Variants in RNF145 observed in about 807,000 individuals in gnomAD.
The protein encoded by RNF145 is ring finger protein 145.
Under a neutral mutation model 57.3 loss-of-function variants are expected in RNF145, and 12 were observed. The observed-to-expected ratio is 0.21, with a 90% CI of 0.13 to 0.34. The LOEUF (loss-of-function observed/expected upper bound fraction) is 0.34. RNF145 is among the 10% of genes least tolerant of loss of function. RNF145 has a pLI of 1.00. For missense variants in RNF145, 429 were observed against 799.0 expected, an observed-to-expected ratio of 0.54 and a Z score of 5.58; for synonymous variants, 262 against 288.3, an observed-to-expected ratio of 0.91 and a Z score of 0.92.
At chr5:159,209,668 G>T, upstream of RNF145, 1 of 952,472 alleles carries the variant, frequency 1.0e-6, no homozygotes, top group Non-Finnish European at 1.4e-6. Context: ...AGTGCTTTCC[G>T]CACCGCCTCC....
intron 10 of RNF145, among the ~76,000 whole-genome samples, chr5:159,159,786 T>C (rs113057070): frequency 1.3e-5 from 2 of 152,320 alleles, no homozygotes; most frequent in African/African-American, 4.8e-5. Context: ...AAGATATATA[T>C]GAAGAGAGAA....
At chr5:159,189,056 T>C (rs1785186497) in intron 3 of RNF145, among the ~76,000 whole-genome samples, 1 of 152,214 alleles carries the variant, frequency 6.6e-6, no homozygotes, top group Non-Finnish European at 1.5e-5. Flanking sequence ...TTGATATAAC[T>C]AGATTGCAGT....
chr5:159,191,664 T>C lies in RNF145; in HGVS notation c.293+3052A>G, dbSNP rs548826210. On this transcript the variant is annotated intron_variant, in intron 3 of 10. Coordinates refer to ENST00000424310, the MANE Select transcript of RNF145 (RefSeq NM_001199383.2). ...AAAATTAGCTGGGCATGGTGGCGCATGCCTGTAGTCCCAGCTACTCAGGAG... is the reference window on the plus strand; with the variant it reads ...AAAATTAGCTGGGCATGGTGGCGCACGCCTGTAGTCCCAGCTACTCAGGAG... 7.2e-4 allele frequency among the ~76,000 whole-genome samples: 110 copies of C among 152,160 alleles called. 1 individual carries two copies. The highest frequency in any genetic ancestry group is 2.6e-3 in the African/African-American group (109 of 41,524).
chr5:159,192,225 T>C (rs1446594398), intron 3 of RNF145, among the ~76,000 whole-genome samples: 2 of 152,122 alleles, frequency 1.3e-5, no homozygotes, highest in African/African-American at 4.8e-5. Context: ...TGCATGCAAA[T>C]ACTATCAGTA....
chr5:159,194,751 A>C lies in RNF145; in HGVS notation c.258T>G (p.Thr86=). Residue 86 remains threonine, a synonymous_variant, in exon 3 of 11, where the codon ACT becomes ACG. Coordinates refer to ENST00000424310, the MANE Select transcript of RNF145 (RefSeq NM_001199383.2). ...GATGTCCAGCATAGAGGAGCAGAGC[A>C]GTCAAAAAATATAGATAAAGCTGAA... ...HLVQLYLYFL[T]ALLLYAGHQI... 1 of 1,613,274 alleles carries C rather than the reference A, an allele frequency of 6.2e-7. No homozygotes were observed. The highest frequency in any genetic ancestry group is 2.2e-5 in the East Asian group (1 of 44,868).
At position 159,164,337 on chromosome 5, in the gene RNF145, T is replaced by C. The variant is rs191674866; in HGVS notation, c.1122-1258A>G. On this transcript the variant is annotated intron_variant, in intron 8 of 10. Coordinates refer to ENST00000424310, the MANE Select transcript of RNF145 (RefSeq NM_001199383.2). ...ATTTTAACTTTTTAAAGAAAGGCAG[T>C]AGCTGTACTGTGTTAGATGATGAAT... 1.3e-3 allele frequency among the ~76,000 whole-genome samples: 200 copies of C among 152,326 alleles called. 1 individual carries two copies. The highest frequency in any genetic ancestry group is 4.5e-3 in the African/African-American group (189 of 41,590).
intron 9 of RNF145, among the ~76,000 whole-genome samples, chr5:159,162,551 C>T (rs1439190324): frequency 2.6e-5 from 4 of 151,272 alleles, no homozygotes; most frequent in Non-Finnish European, 5.9e-5. Flanking sequence ...TCTCCTGCCT[C>T]AGCCTCCCGA....
chr5:159,171,690 T>C (rs904594174), intron 6 of RNF145, among the ~76,000 whole-genome samples: 2 of 152,170 alleles, frequency 1.3e-5, no homozygotes, highest in Non-Finnish European at 2.9e-5. Context: ...TTATTGTTGG[T>C]TGGTGTGTTT....
At chr5:159,205,074 A>G (rs1434592973) in intron 1 of RNF145, among the ~76,000 whole-genome samples, 1 of 152,162 alleles carries the variant, frequency 6.6e-6, no homozygotes, top group Non-Finnish European at 1.5e-5. Context: ...ATAGCTTCCT[A>G]GTTCAGATAG....
At chr5:159,162,462 C>A (rs1432994701) in intron 9 of RNF145, among the ~76,000 whole-genome samples, 1 of 140,032 alleles carries the variant, frequency 7.1e-6, no homozygotes, top group African/African-American at 2.7e-5. Flanking sequence ...GAGTCTCGCT[C>A]TGTCGCCCAG....
chr5:159,205,988 C>G (rs1785866499), intron 1 of RNF145, among the ~76,000 whole-genome samples: 1 of 152,104 alleles, frequency 6.6e-6, no homozygotes, highest in Non-Finnish European at 1.5e-5. Context: ...CTCCCTAATC[C>G]GTACAGAGGA....
chr5:159,192,010 C>T (rs1450796265), intron 3 of RNF145, among the ~76,000 whole-genome samples: 1 of 150,608 alleles, frequency 6.6e-6, no homozygotes, highest in Non-Finnish European at 1.5e-5. Context: ...CACTGGGTTC[C>T]ACATCTGTGG....
chr5:159,168,501 C>T (rs747767732), intron 8 of RNF145, among the ~76,000 whole-genome samples: 3 of 152,076 alleles, frequency 2.0e-5, no homozygotes, highest in African/African-American at 4.8e-5. Flanking sequence ...TTAATTTACA[C>T]AGAATAAAAT....
chr5:159,191,270 G>C (rs1448158344), intron 3 of RNF145, among the ~76,000 whole-genome samples: 1 of 152,096 alleles, frequency 6.6e-6, no homozygotes, highest in Non-Finnish European at 1.5e-5. Flanking sequence ...TATCAAGTCT[G>C]ATTCTAAAGT....
At chr5:159,188,199 GGT>G (rs1157309080) in intron 3 of RNF145, among the ~76,000 whole-genome samples, 2 of 151,610 alleles carry the variant, frequency 1.3e-5, no homozygotes, top group African/African-American at 4.8e-5. Context: ...TGGCTAACAT[GGT>G]GAAACCCCAT....
chr5:159,200,919 A>C (rs1402395279), intron 2 of RNF145, among the ~76,000 whole-genome samples: 1 of 152,234 alleles, frequency 6.6e-6, no homozygotes, highest in Non-Finnish European at 1.5e-5. Context: ...TAAAAAAATC[A>C]ATTTTTCCAC....
At chr5:159,176,347 A>T (rs1463851048) in intron 5 of RNF145, among the ~76,000 whole-genome samples, 2 of 151,762 alleles carry the variant, frequency 1.3e-5, no homozygotes, top group Non-Finnish European at 2.9e-5. Flanking sequence ...CGTTTTACAG[A>T]AAGTAACGCA....
intron 1 of RNF145, 91 bp from the exon 2 acceptor site, chr5:159,203,747 A>C (rs1584713570): frequency 1.4e-6 from 1 of 735,546 alleles, no homozygotes; most frequent in East Asian, 2.7e-5. Flanking sequence ...GTTGTCACAC[A>C]CTGTACAAAA....
chr5:159,162,985 T>A lies in RNF145; in HGVS notation c.1216A>T (p.Met406Leu), dbSNP rs1349040140. Residue 406 changes from methionine to leucine, a missense_variant, in exon 9 of 11, where the codon ATG (methionine) becomes TTG (leucine). Met to Leu is a conservative substitution (Grantham distance 15). This residue lies in a region of RNF145 where 216 missense variants were observed against 457.6 expected (regional missense o/e 0.47). Transcript: ENST00000424310. ...ATAATGATAAGAAGCCAAAAATCCA[T>A]GTGGAAAAACTGGCAAATCATATAA... ...MAYMICQFFH[M>L]DFWLLIIISS... is the part of the protein sequence containing the mutation. The A allele has an allele frequency of 6.2e-7, 1 of 1,613,172 alleles. No homozygotes were observed. The highest frequency in any genetic ancestry group is 8.5e-7 in the Non-Finnish European group (1 of 1,179,752).
Sources: allele counts gnomAD v4.1 joint callset (sites outside exome capture counted in the v4.1 genomes callset), GRCh38; gene constraint gnomAD v4.1.1; regional missense constraint gnomAD v4.1.1; transcripts MANE v1.5; gene names NCBI Gene and HGNC (gene_info 2026-07-23, HGNC 2026-07-21).